Variants in LMF1 observed in about 807,000 individuals in gnomAD.
The protein encoded by LMF1 is lipase maturation factor 1, also known as transmembrane protein 112.
A neutral mutation model predicts 60.6 loss-of-function variants in LMF1; 68 were observed. The ratio of observed to expected loss-of-function variants is 1.12; its 90% CI spans 0.92 to 1.37. The LOEUF is 1.37. Among genes scored for constraint, LMF1 ranks in the 40% most tolerant of loss-of-function variants. The pLI is 0.00. For missense variants in LMF1, 948 were observed against 767.2 expected (o/e 1.24, Z -2.78); for synonymous variants, 418 against 324.7 (o/e 1.29, Z -3.09).
At chr16:979,740 G>A (rs553771781) in intron 1 of LMF1, 44 of 454,170 alleles carry the variant, frequency 9.7e-5, no homozygotes, top group South Asian at 6.5e-4. Flanking sequence ...ATGGCACTGT[G>A]AGCCCGAGTG....
rs1379562168 is a variant in LMF1 at position 871,254 on chromosome 16, C to T, written c.985G>A (p.Gly329Arg). The change falls in exon 7 of 11, where the codon GGA becomes AGA. Residue 329 changes from glycine to arginine, a missense_variant. Gly to Arg is a moderately radical substitution (Grantham distance 125). Transcript: ENST00000262301. ...CCTGGCCCAGAGGGGAACAAGAATCCCAGGGTGGCGTCATCAAAGCAGGCC... is the reference window on the plus strand; with the variant it reads ...CCTGGCCCAGAGGGGAACAAGAATCTCAGGGTGGCGTCATCAAAGCAGGCC... ...SLACFDDATL[G>R]FLFPSGPGSL... The T allele has an allele frequency of 1.2e-6, 2 of 1,612,494 alleles. No homozygotes were observed. Among genetic ancestry groups the T allele is most frequent in the South Asian group, 2.2e-5 (2 of 90,968 alleles).
At chr16:854,749 C>T (rs759601588) in intron 10 of LMF1, 43 bp from the exon 11 acceptor site, 75 of 1,522,976 alleles carry the variant, frequency 4.9e-5, no homozygotes, top group Middle Eastern at 1.7e-4. Flanking sequence ...CTGGGACTCC[C>T]GGCCCCCGAC....
chr16:864,893 A>G (rs1409371536), intron 10 of LMF1, among the ~76,000 whole-genome samples: 2 of 152,190 alleles, frequency 1.3e-5, no homozygotes, highest in Non-Finnish European at 2.9e-5. Flanking sequence ...AAGTGCTGAC[A>G]TTACAGGAGT....
At chr16:927,686 C>T (rs1310503769) in intron 3 of LMF1, among the ~76,000 whole-genome samples, 1 of 152,208 alleles carries the variant, frequency 6.6e-6, no homozygotes, top group Non-Finnish European at 1.5e-5. Context: ...CGGAGCTCAC[C>T]CGGCGATCGC....
At chr16:872,994 T>C (rs541300547) in intron 6 of LMF1, 1 of 152,286 alleles carries the variant, frequency 6.6e-6, no homozygotes, top group South Asian at 2.1e-4. Context: ...GTGGGCTCAG[T>C]GGGGAACTCT....
chr16:939,255 T>C (rs75703859), intron 2 of LMF1, among the ~76,000 whole-genome samples: 1 of 44,820 alleles, frequency 2.2e-5, no homozygotes, highest in African/African-American at 2.6e-4. Flanking sequence ...CAGCACGCTG[T>C]CCCCGCCGTG....
chr16:903,065 C>G (rs2070864688), intron 4 of LMF1, among the ~76,000 whole-genome samples: 1 of 60,776 alleles, frequency 1.6e-5, no homozygotes. Flanking sequence ...TGTGGGGACG[C>G]CCGTCTCTGC....
chr16:970,863 A>G lies in LMF1; in HGVS notation c.118T>C (p.Ser40Pro), dbSNP rs2073030756. The G allele has an allele frequency of 6.4e-7, 1 of 1,563,002 alleles. No individual in the cohort carries two copies. Among genetic ancestry groups the G allele is most frequent in the South Asian group, 1.2e-5 (1 of 84,234 alleles). Residue 40 changes from serine (S) to proline (P), a missense_variant, in exon 1 of 11, where the codon TCT becomes CCT. Transcript: ENST00000262301. ...GTGCCCGTGTGGAGATGGGCCGGAG[A>G]GCCTGCGGGGCCACGCCCCGGCGCG... ...PPAPGRGPAG[S>P]PAHLHTGTFW...
chr16:951,327 G>A (rs891476835), intron 2 of LMF1, among the ~76,000 whole-genome samples: 3 of 152,094 alleles, frequency 2.0e-5, no homozygotes, highest in South Asian at 2.1e-4. Flanking sequence ...CAGAGACAAC[G>A]ACAAAGTCAG....
chr16:931,991 G>A (rs1041103368), intron 3 of LMF1, among the ~76,000 whole-genome samples: 1 of 152,156 alleles, frequency 6.6e-6, no homozygotes, highest in Admixed American at 6.5e-5. Flanking sequence ...CCTGGGCTGG[G>A]AGCGCAAGCG....
At chr16:866,351 TG>T (rs1350732342) in intron 10 of LMF1, among the ~76,000 whole-genome samples, 1 of 152,118 alleles carries the variant, frequency 6.6e-6, no homozygotes, top group Admixed American at 6.5e-5. Context: ...CTGGGTAGGG[TG>T]GGAGTCGTGG....
chr16:911,470 A>G (rs941179181), intron 3 of LMF1, among the ~76,000 whole-genome samples: 6 of 151,142 alleles, frequency 4.0e-5, no homozygotes, highest in African/African-American at 1.5e-4. Context: ...TTGCATGAAA[A>G]CAGCTTTCAC....
At position 949,259 on chromosome 16, in the gene LMF1, C is replaced by T. The variant is rs1382863867; in HGVS notation, c.503+5098G>A. Among the ~76,000 whole-genome samples, 245 of 140,008 alleles carry T rather than the reference C, an allele frequency of 1.7e-3. 15 individuals are homozygous for T. The highest frequency in any genetic ancestry group is 5.8e-3 in the African/African-American group (208 of 36,006). 91.9% of individuals were successfully genotyped at this position (140,008 alleles called of 152,430 possible). ...CAGAGCCAACAACAGAGTCAGCCAACGACAGAGTCAGAGACAACGACAGAG... is the reference window on the plus strand; with the variant it reads ...CAGAGCCAACAACAGAGTCAGCCAATGACAGAGTCAGAGACAACGACAGAG... On this transcript the variant is annotated intron_variant, in intron 2 of 10. Transcript: ENST00000262301.
chr16:960,249 C>A (rs973021796), intron 1 of LMF1, among the ~76,000 whole-genome samples: 1 of 152,206 alleles, frequency 6.6e-6, no homozygotes, highest in African/African-American at 2.4e-5. Flanking sequence ...AGGAGCTGAG[C>A]AGCAAACTCA....
rs538467347 is a variant in LMF1, at chr16:863,350, C to A, written c.1529+5594G>T. ...AGAGACCGGGTTTCACCATGTTGGC[C>A]ATGCTGGTCTTGAATTCCTGAGTTC... On this transcript the variant is annotated intron_variant, in intron 10 of 10. Coordinates refer to ENST00000262301, the MANE Select transcript of LMF1 (RefSeq NM_022773.4). Among the ~76,000 whole-genome samples, 7 of 152,282 alleles carry A rather than the reference C, an allele frequency of 4.6e-5. No individual in the cohort carries two copies. The East Asian group carries it at 1.4e-3, about 29-fold the overall frequency.
intron 5 of LMF1, among the ~76,000 whole-genome samples, chr16:889,004 G>A (rs575303866): frequency 3.9e-5 from 6 of 152,194 alleles, no homozygotes; most frequent in East Asian, 3.8e-4. Context: ...TCCCTCTGCC[G>A]GCTGAGAGCA....
chr16:910,138 G>C (rs1186542065), intron 4 of LMF1, among the ~76,000 whole-genome samples: 1 of 152,240 alleles, frequency 6.6e-6, no homozygotes, highest in Non-Finnish European at 1.5e-5. Flanking sequence ...TGGTCAGTGT[G>C]GCAGACGTCA....
chr16:940,633 A>G (rs117977881), intron 2 of LMF1, among the ~76,000 whole-genome samples: 109 of 152,400 alleles, frequency 7.2e-4, no homozygotes, highest in Admixed American at 2.1e-3. Context: ...AGTAAATGCT[A>G]TAAGGATTAT....
At chr16:898,866 T>C (rs939107123) in intron 4 of LMF1, 13 of 152,136 alleles carry the variant, frequency 8.5e-5, no homozygotes, top group African/African-American at 3.1e-4. Context: ...TTTATTTTTA[T>C]TTTTTGGCAA....
Sources: gnomAD v4.1 joint callset for allele counts (sites outside exome capture counted in the v4.1 genomes callset) on GRCh38, gnomAD v4.1.1 for gene constraint, MANE v1.5 for transcripts, NCBI Gene and HGNC (gene_info 2026-07-23, HGNC 2026-07-21) for gene names.